SUGCT: variants seen among roughly 807,000 people sequenced by gnomAD.
SUGCT encodes the protein succinyl-CoA:glutarate-CoA transferase, also known as succinyl-CoA:glutarate CoA-transferase.
SUGCT carries 41 observed loss-of-function variants against 55.0 expected under a neutral mutation model. The ratio of observed to expected loss-of-function variants is 0.74; its 90% CI spans 0.58 to 0.97. The LOEUF (loss-of-function observed/expected upper bound fraction) is 0.97. SUGCT is among the 50% of genes least tolerant of loss of function. SUGCT has a pLI of 0.00. For missense variants in SUGCT, 568 were observed against 547.8 expected (o/e 1.04, Z -0.37); for synonymous variants, 187 against 200.4 (o/e 0.93, Z 0.56).
chr7:40,829,027 C>T (rs555061688), intron 13 of SUGCT, among the ~76,000 whole-genome samples: 24 of 152,204 alleles, frequency 1.6e-4, no homozygotes, highest in African/African-American at 2.6e-4. Context: ...AGACACCAGC[C>T]GAAACCAGCG....
At chr7:40,229,421 A>G (rs1189781498) in intron 6 of SUGCT, among the ~76,000 whole-genome samples, 4 of 151,840 alleles carry the variant, frequency 2.6e-5, no homozygotes, top group Admixed American at 2.0e-4. Flanking sequence ...CGGGAGACTG[A>G]GGCAGGAGAA....
At chr7:40,557,771 TA>T (rs34029032) in intron 12 of SUGCT, among the ~76,000 whole-genome samples, 24,373 of 115,624 alleles carry the variant, frequency 0.21, 3,042 homozygotes, top group African/African-American at 0.42. Context: ...AGACTCTGTC[TA>T]AAAAAAAAAA....
chr7:40,646,885 A>G (rs1800543669), intron 12 of SUGCT, among the ~76,000 whole-genome samples: 1 of 152,122 alleles, frequency 6.6e-6, no homozygotes, highest in African/African-American at 2.4e-5. Context: ...AGGGCCTCCC[A>G]CTCAATGAAT....
At chr7:40,352,993 A>C (rs1237103174) in intron 9 of SUGCT, among the ~76,000 whole-genome samples, 1 of 152,100 alleles carries the variant, frequency 6.6e-6, no homozygotes, top group South Asian at 2.1e-4. Context: ...ATGGTAACTC[A>C]TTGTGGTTTT....
intron 9 of SUGCT, among the ~76,000 whole-genome samples, chr7:40,395,622 A>G (rs1202584173): frequency 6.6e-6 from 1 of 151,852 alleles, no homozygotes; most frequent in Non-Finnish European, 1.5e-5. Flanking sequence ...AGAACTACTT[A>G]TCTGCTTTAA....
At chr7:40,714,325 C>CA (rs950886986) in intron 12 of SUGCT, among the ~76,000 whole-genome samples, 5 of 151,504 alleles carry the variant, frequency 3.3e-5, no homozygotes, top group South Asian at 2.1e-4. Flanking sequence ...CAGACTCTCT[C>CA]AAAAAAACAA....
intron 10 of SUGCT, among the ~76,000 whole-genome samples, chr7:40,458,876 TA>T (rs1391590333): frequency 8.5e-5 from 13 of 152,198 alleles, no homozygotes; most frequent in Non-Finnish European, 1.8e-4. Context: ...TATGTAAGAA[TA>T]TTTGCTTAAA....
intron 12 of SUGCT, among the ~76,000 whole-genome samples, chr7:40,541,819 T>C (rs1186734529): frequency 6.6e-6 from 1 of 152,210 alleles, no homozygotes; most frequent in Non-Finnish European, 1.5e-5. Flanking sequence ...AATTCACACC[T>C]GTAAACTAGA....
At chr7:41,019,058 A>T in the SUGCT span, among the ~76,000 whole-genome samples, 1 of 151,986 alleles carries the variant, frequency 6.6e-6, no homozygotes, top group Admixed American at 6.6e-5. Flanking sequence ...GGCGCCTGCC[A>T]CCATGCCCAG....
At chr7:40,316,383 A>G (rs1795433336) in intron 8 of SUGCT, among the ~76,000 whole-genome samples, 1 of 152,138 alleles carries the variant, frequency 6.6e-6, no homozygotes, top group Admixed American at 6.5e-5. Context: ...ATCTTGGTGC[A>G]AAATAAAAGG....
At chr7:40,742,403 G>A (rs1309067518) in intron 12 of SUGCT, among the ~76,000 whole-genome samples, 3 of 152,094 alleles carry the variant, frequency 2.0e-5, no homozygotes, top group Non-Finnish European at 2.9e-5. Context: ...TTCCATGGAC[G>A]GGGATGGGGG....
chr7:40,241,043 G>A (rs2150888961), intron 7 of SUGCT, among the ~76,000 whole-genome samples: 1 of 152,294 alleles, frequency 6.6e-6, no homozygotes, highest in East Asian at 1.9e-4. Flanking sequence ...GGTTGGGGAG[G>A]TAAGGAACAG....
At position 40,188,389 on chromosome 7, in the gene SUGCT, G is replaced by A. The variant is rs1328123038; in HGVS notation, c.227-106G>A. On this transcript the variant is annotated intron_variant, in intron 3 of 13. Coordinates refer to ENST00000335693, the MANE Select transcript of SUGCT (RefSeq NM_001193313.2). ...GTAGAGGTTGCAGTGAGCAGAGATCGTTCCTCTGCACTCCAGCCTGGGCAA... is the reference window on the plus strand; with the variant it reads ...GTAGAGGTTGCAGTGAGCAGAGATCATTCCTCTGCACTCCAGCCTGGGCAA... The A allele has an allele frequency of 6.1e-5, 45 of 741,710 alleles. 1 individual carries two copies. Among genetic ancestry groups the A allele is most frequent in the East Asian group, 1.2e-4 (4 of 32,678 alleles). 45.9% of individuals were successfully genotyped at this position (741,710 alleles called of 1,614,324 possible).
intron 1 of SUGCT, among the ~76,000 whole-genome samples, chr7:40,140,867 GT>G (rs1787946593): frequency 6.6e-6 from 1 of 152,106 alleles, no homozygotes; most frequent in Non-Finnish European, 1.5e-5. Context: ...CTTTAGAATT[GT>G]TTTTTCTAAT....
intron 13 of SUGCT, among the ~76,000 whole-genome samples, chr7:40,769,298 G>A (rs1317121249): frequency 1.3e-5 from 2 of 152,122 alleles, no homozygotes; most frequent in African/African-American, 2.4e-5. Flanking sequence ...TTCCTAATCC[G>A]GGATTTTTAC....
the SUGCT span, chr7:40,968,293 C>T: frequency 6.6e-6 from 1 of 152,210 alleles, no homozygotes; most frequent in East Asian, 1.9e-4. Context: ...AGGTCACACA[C>T]CAAACCCCTT....
At chr7:40,662,571 T>C (rs186265520) in intron 12 of SUGCT, among the ~76,000 whole-genome samples, 135 of 152,308 alleles carry the variant, frequency 8.9e-4, no homozygotes, top group Non-Finnish European at 1.6e-3. Context: ...AGCTCATCCC[T>C]ATCACAGAAA....
intron 9 of SUGCT, among the ~76,000 whole-genome samples, chr7:40,434,815 T>G (rs1788086539): frequency 6.6e-6 from 1 of 152,138 alleles, no homozygotes; most frequent in East Asian, 1.9e-4. Context: ...TTTCCATCAT[T>G]TTTTTCAGTT....
At chr7:40,950,142 T>G in the SUGCT span, among the ~76,000 whole-genome samples, 1 of 152,228 alleles carries the variant, frequency 6.6e-6, no homozygotes, top group African/African-American at 2.4e-5. Flanking sequence ...TGAGCAGTGG[T>G]TTATAGTTCT....
Sources: allele counts gnomAD v4.1 joint callset (sites outside exome capture counted in the v4.1 genomes callset), GRCh38; gene constraint gnomAD v4.1.1; transcripts MANE v1.5; gene names NCBI Gene and HGNC (gene_info 2026-07-23, HGNC 2026-07-21).